The following CCDC91 variants were observed in gnomAD, a reference collection of about 807,000 sequenced individuals.
CCDC91 encodes the protein coiled-coil domain containing 91, also known as coiled-coil domain-containing protein 91.
Under a neutral mutation model 63.2 loss-of-function variants are expected in CCDC91, and 48 were observed. The observed-to-expected ratio is 0.76, with a 90% CI of 0.60 to 0.97. CCDC91 has a LOEUF of 0.97. Ranked by LOEUF, CCDC91 falls within the 50% of genes least tolerant of loss-of-function variation. The probability of loss-of-function intolerance (pLI) is 0.00; values close to 1 mark genes in which losing one functional copy is unlikely to be tolerated. For synonymous variants in CCDC91, 167 were observed against 165.8 expected (o/e 1.01, Z -0.06); for missense variants, 500 against 494.6 (o/e 1.01, Z -0.10).
chr12:28,320,162 TG>T (rs1263257735), intron 6 of CCDC91, among the ~76,000 whole-genome samples: 1 of 151,960 alleles, frequency 6.6e-6, no homozygotes, highest in Non-Finnish European at 1.5e-5. Flanking sequence ...CCCTTTAACA[TG>T]GTCTTTTTAG....
At chr12:28,248,503 C>A (rs2136057042) in intron 1 of CCDC91, among the ~76,000 whole-genome samples, 1 of 152,084 alleles carries the variant, frequency 6.6e-6, no homozygotes, top group East Asian at 1.9e-4. Flanking sequence ...GAAGAACCTG[C>A]AAGAGAGATT....
intron 3 of CCDC91, among the ~76,000 whole-genome samples, chr12:28,275,942 C>G (rs1948187921): frequency 6.6e-6 from 1 of 152,040 alleles, no homozygotes; most frequent in Admixed American, 6.6e-5. Flanking sequence ...GAAAAACTCT[C>G]AATAAATTAG....
At chr12:28,289,685 CTTTT>C (rs75555723) in intron 3 of CCDC91, among the ~76,000 whole-genome samples, 1 of 98,540 alleles carries the variant, frequency 1.0e-5, no homozygotes, top group African/African-American at 4.8e-5. Context: ...CTTTTCTTTT[CTTTT>C]TTTTTTTTTT....
At chr12:28,355,005 C>T (rs1324481974) in intron 6 of CCDC91, among the ~76,000 whole-genome samples, 1 of 151,916 alleles carries the variant, frequency 6.6e-6, no homozygotes, top group Non-Finnish European at 1.5e-5. Flanking sequence ...CCTGCCTCTC[C>T]TTTTTTCCTC....
At chr12:28,348,742 T>C (rs1482434791) in intron 6 of CCDC91, among the ~76,000 whole-genome samples, 1 of 152,144 alleles carries the variant, frequency 6.6e-6, no homozygotes, top group Non-Finnish European at 1.5e-5. Flanking sequence ...TTTTTCTTTT[T>C]AGTCAGGGTC....
chr12:28,487,673 C>G (rs1951797636), intron 12 of CCDC91, among the ~76,000 whole-genome samples: 1 of 150,992 alleles, frequency 6.6e-6, no homozygotes, highest in Non-Finnish European at 1.5e-5. Context: ...ACTAAAGAGT[C>G]AACTTGAGAT....
At chr12:28,250,670 G>A (rs1488680689) in intron 1 of CCDC91, among the ~76,000 whole-genome samples, 1 of 152,022 alleles carries the variant, frequency 6.6e-6, no homozygotes, top group African/African-American at 2.4e-5. Context: ...GGAACTATTA[G>A]CAACTAATTT....
At chr12:28,338,693 G>A (rs149081865) in intron 6 of CCDC91, among the ~76,000 whole-genome samples, 3 of 152,166 alleles carry the variant, frequency 2.0e-5, no homozygotes, top group Admixed American at 2.0e-4. Context: ...ACCTCTGTGG[G>A]GAAAATACAC....
chr12:28,441,174 A>C (rs1182728574), intron 8 of CCDC91, among the ~76,000 whole-genome samples: 2 of 152,016 alleles, frequency 1.3e-5, no homozygotes. Flanking sequence ...ATGGAAATTC[A>C]GTTTAAAACC....
intron 6 of CCDC91, among the ~76,000 whole-genome samples, chr12:28,322,557 T>C (rs889869434): frequency 7.2e-5 from 11 of 151,890 alleles, no homozygotes; most frequent in Admixed American, 2.6e-4. Flanking sequence ...CTTTTTAGTA[T>C]GCGTATATTT....
intron 8 of CCDC91, among the ~76,000 whole-genome samples, chr12:28,425,709 T>C (rs548263660): frequency 2.3e-4 from 35 of 152,350 alleles, no homozygotes; most frequent in Middle Eastern, 3.4e-3. Context: ...GTTGAGCTCC[T>C]GCTAATACTT....
At chr12:28,375,488 T>G (rs559634364) in intron 7 of CCDC91, among the ~76,000 whole-genome samples, 20 of 152,018 alleles carry the variant, frequency 1.3e-4, no homozygotes, top group Non-Finnish European at 2.2e-4. Flanking sequence ...TCGTTAACTT[T>G]GAAAATAAAT....
At chr12:28,205,056 G>C (rs1235303549) in intron 1 of CCDC91, among the ~76,000 whole-genome samples, 1 of 152,112 alleles carries the variant, frequency 6.6e-6, no homozygotes, top group African/African-American at 2.4e-5. Context: ...TAGATTGCCT[G>C]TTGGAAAGCC....
chr12:28,240,942 C>T (rs75682283), intron 1 of CCDC91, among the ~76,000 whole-genome samples: 2 of 152,218 alleles, frequency 1.3e-5, no homozygotes, highest in African/African-American at 4.8e-5. Context: ...AGAAACTGAA[C>T]AACTGTTTTC....
intron 1 of CCDC91, among the ~76,000 whole-genome samples, chr12:28,211,970 C>T (rs1943264111): frequency 1.3e-5 from 2 of 152,146 alleles, no homozygotes; most frequent in Non-Finnish European, 2.9e-5. Flanking sequence ...TTCCTGGACC[C>T]AGTCCAGTTT....
chr12:28,502,181 C>A (rs1460671080), intron 12 of CCDC91, among the ~76,000 whole-genome samples: 1 of 151,808 alleles, frequency 6.6e-6, no homozygotes, highest in Non-Finnish European at 1.5e-5. Context: ...ATCTAGAAAA[C>A]CCCATTGTCT....
intron 1 of CCDC91, among the ~76,000 whole-genome samples, chr12:28,247,428 C>T (rs569916014): frequency 3.4e-5 from 5 of 148,930 alleles, no homozygotes; most frequent in Middle Eastern, 3.5e-3. Context: ...TGCAGTTAGC[C>T]GAGACCGGGC....
intron 8 of CCDC91, among the ~76,000 whole-genome samples, chr12:28,446,782 T>C (rs1201399906): frequency 6.6e-6 from 1 of 152,172 alleles, no homozygotes; most frequent in African/African-American, 2.4e-5. Context: ...ACTATAATTC[T>C]GATTTATAAG....
At chr12:28,320,274 G>A (rs1940352054) in intron 6 of CCDC91, among the ~76,000 whole-genome samples, 2 of 151,816 alleles carry the variant, frequency 1.3e-5, no homozygotes, top group African/African-American at 4.8e-5. Context: ...AGAGGGCTAT[G>A]TTTTATCTTC....
Sources: allele counts gnomAD v4.1 joint callset (sites outside exome capture counted in the v4.1 genomes callset), GRCh38; gene constraint gnomAD v4.1.1; transcripts MANE v1.5; gene names NCBI Gene and HGNC (gene_info 2026-07-23, HGNC 2026-07-21).